The following RNF150 variants were observed in gnomAD, a reference collection of about 807,000 sequenced individuals.
RNF150 encodes ring finger protein 150.
RNF150 carries 24 observed loss-of-function variants against 39.3 expected under a neutral mutation model. The ratio of observed to expected loss-of-function variants is 0.61; its 90% confidence interval spans 0.44 to 0.86. RNF150 has a LOEUF of 0.86. RNF150 is among the 40% of genes least tolerant of loss of function. The pLI is 0.00. For missense variants in RNF150, 502 were observed against 587.8 expected, an observed-to-expected ratio of 0.85 and a Z score of 1.51; for synonymous variants, 255 against 227.3, an observed-to-expected ratio of 1.12 and a Z score of -1.10.
intron 1 of RNF150, among the ~76,000 whole-genome samples, chr4:141,031,176 T>C (rs1735929985): frequency 5.9e-5 from 9 of 151,844 alleles, no homozygotes; most frequent in Admixed American, 5.3e-4. Context: ...GTCTCTTCAA[T>C]AAATGATGCT....
chr4:141,067,386 T>C (rs558988287), intron 1 of RNF150, among the ~76,000 whole-genome samples: 1 of 152,036 alleles, frequency 6.6e-6, no homozygotes, highest in South Asian at 2.1e-4. Context: ...GTTAATAGAG[T>C]CCAAACAGAT....
At chr4:140,932,652 T>C (rs1248126539) in intron 4 of RNF150, among the ~76,000 whole-genome samples, 1 of 152,186 alleles carries the variant, frequency 6.6e-6, no homozygotes, top group African/African-American at 2.4e-5. Flanking sequence ...GTTTCTTCAC[T>C]GATAAAATGA....
intron 1 of RNF150, among the ~76,000 whole-genome samples, chr4:141,200,042 C>G (rs566646017): frequency 6.6e-6 from 1 of 152,152 alleles, no homozygotes; most frequent in South Asian, 2.1e-4. Context: ...CAGAGAAAAT[C>G]AATTTTAAAT....
intron 5 of RNF150, among the ~76,000 whole-genome samples, chr4:140,925,399 G>C (rs1189519911): frequency 1.3e-5 from 2 of 152,148 alleles, no homozygotes; most frequent in African/African-American, 4.8e-5. Flanking sequence ...GAGTCAACTG[G>C]GGGAACCCGT....
At chr4:140,987,170 T>C (rs1301105092) in intron 1 of RNF150, among the ~76,000 whole-genome samples, 4 of 151,988 alleles carry the variant, frequency 2.6e-5, no homozygotes, top group Admixed American at 2.6e-4. Context: ...AGAATTAATA[T>C]CATTAAAATA....
chr4:141,113,279 C>T (rs540912143), intron 1 of RNF150, among the ~76,000 whole-genome samples: 7 of 147,198 alleles, frequency 4.8e-5, no homozygotes, highest in African/African-American at 7.6e-5. Context: ...ATCTCATGTG[C>T]GAAGACACAC....
At chr4:141,065,996 G>GCATT (rs1461248354) in intron 1 of RNF150, among the ~76,000 whole-genome samples, 1 of 151,886 alleles carries the variant, frequency 6.6e-6, no homozygotes, top group Non-Finnish European at 1.5e-5. Flanking sequence ...CACACTGCAG[G>GCATT]CATTCTCTGT....
intron 2 of RNF150, among the ~76,000 whole-genome samples, chr4:140,959,700 CT>C (rs1182542155): frequency 6.6e-6 from 1 of 152,144 alleles, no homozygotes; most frequent in East Asian, 1.9e-4. Flanking sequence ...TGTCCTTGGT[CT>C]TTGCAAATCA....
intron 1 of RNF150, among the ~76,000 whole-genome samples, chr4:140,996,491 T>C (rs1734383012): frequency 6.6e-6 from 1 of 152,202 alleles, no homozygotes; most frequent in Non-Finnish European, 1.5e-5. Flanking sequence ...AGTCTTGGCT[T>C]TCCCACTTCA....
chr4:141,102,340 A>T (rs1008714092), intron 1 of RNF150, among the ~76,000 whole-genome samples: 3 of 152,178 alleles, frequency 2.0e-5, no homozygotes, highest in Admixed American at 6.5e-5. Context: ...ATAGGAAAGG[A>T]GGAAAGGCAA....
chr4:141,014,081 T>C (rs190006556), intron 1 of RNF150, among the ~76,000 whole-genome samples: 3 of 152,304 alleles, frequency 2.0e-5, no homozygotes, highest in Admixed American at 1.3e-4. Flanking sequence ...AGTAAGATCA[T>C]ATGGTATCTG....
intron 1 of RNF150, among the ~76,000 whole-genome samples, chr4:140,992,680 G>C (rs534644626): frequency 6.6e-6 from 1 of 152,178 alleles, no homozygotes; most frequent in African/African-American, 2.4e-5. Context: ...GATGGGTAAG[G>C]GGCACTTAGA....
chr4:141,109,080 G>A (rs972689561), intron 1 of RNF150, among the ~76,000 whole-genome samples: 1 of 152,186 alleles, frequency 6.6e-6, no homozygotes, highest in African/African-American at 2.4e-5. Context: ...CACAATGAGA[G>A]ATACATTAGC....
chr4:141,094,304 T>C (rs1418843504), intron 1 of RNF150, among the ~76,000 whole-genome samples: 1 of 152,194 alleles, frequency 6.6e-6, no homozygotes, highest in Non-Finnish European at 1.5e-5. Context: ...ATATTGAAAG[T>C]AGCCAGAGAA....
intron 1 of RNF150, among the ~76,000 whole-genome samples, chr4:141,180,154 G>C (rs1004765997): frequency 7.2e-5 from 11 of 152,270 alleles, no homozygotes; most frequent in Non-Finnish European, 1.3e-4. Flanking sequence ...TTTATTCAGT[G>C]GCTCACAAAG....
chr4:140,933,565 T>C (rs185366853), intron 4 of RNF150, among the ~76,000 whole-genome samples: 118 of 152,332 alleles, frequency 7.7e-4, no homozygotes, highest in African/African-American at 2.7e-3. Flanking sequence ...TAAAGGATAC[T>C]CAACCTGTAT....
chr4:141,086,077 G>C (rs1026543057), intron 1 of RNF150, among the ~76,000 whole-genome samples: 3 of 147,496 alleles, frequency 2.0e-5, no homozygotes, highest in Non-Finnish European at 3.0e-5. Context: ...CACCCTTCTA[G>C]GTGCCAGTGG....
At chr4:141,102,496 C>T (rs1040993848) in intron 1 of RNF150, among the ~76,000 whole-genome samples, 8 of 152,130 alleles carry the variant, frequency 5.3e-5, no homozygotes, top group African/African-American at 1.9e-4. Flanking sequence ...GTTTGCTGTT[C>T]TCATATTAAA....
intron 1 of RNF150, among the ~76,000 whole-genome samples, chr4:141,065,432 T>G (rs1384452412): frequency 2.6e-5 from 4 of 152,180 alleles, no homozygotes; most frequent in African/African-American, 9.6e-5. Flanking sequence ...AGAAAGAGTT[T>G]ACAAAATATA....
Sources: gnomAD v4.1 joint callset for allele counts (sites outside exome capture counted in the v4.1 genomes callset) on GRCh38, gnomAD v4.1.1 for gene constraint, MANE v1.5 for transcripts, NCBI Gene and HGNC (gene_info 2026-07-23, HGNC 2026-07-21) for gene names.